The following IQSEC1 variants were observed in gnomAD, a reference collection of about 807,000 sequenced individuals.
IQSEC1 encodes IQ motif and SEC7 domain-containing protein 1.
In IQSEC1, 31 loss-of-function variants were observed where a neutral mutation model predicts 91.0. The ratio of observed to expected loss-of-function variants is 0.34; its 90% CI spans 0.26 to 0.46. The LOEUF is 0.46. IQSEC1 is among the 20% of genes least tolerant of loss of function. IQSEC1 has a pLI of 1.00. For missense variants in IQSEC1, 1,388 were observed against 1,575.6 expected, an observed-to-expected ratio of 0.88 and a Z score of 2.02; for synonymous variants, 699 against 662.6, an observed-to-expected ratio of 1.05 and a Z score of -0.84.
chr3:13,272,962 T>C (rs551466776), intron 1 of IQSEC1, among the ~76,000 whole-genome samples: 2 of 152,312 alleles, frequency 1.3e-5, no homozygotes, highest in Admixed American at 1.3e-4. Flanking sequence ...CTAAATTCCA[T>C]GACTTTCTAA....
chr3:13,039,510 C>T (rs1321754092), intron 1 of IQSEC1, among the ~76,000 whole-genome samples: 1 of 152,226 alleles, frequency 6.6e-6, no homozygotes, highest in Non-Finnish European at 1.5e-5. Context: ...CAAGTGGCTC[C>T]ATTTGCAGAG....
Position 13,259,528 on chromosome 3 carries a change from G to A in IQSEC1, c.272+23183C>T, listed in dbSNP as rs1027078124. ...ACCTCCGAATCAGGGAAATACAGCC[G>A]ACTCCCCAAGGCCTTCGAGGCGGGC... On this transcript the variant is annotated intron_variant, in intron 1 of 15. Transcript: ENST00000648114. This position sits in a 1 kb window ranked among gnomAD's most constrained non-coding sequence, Gnocchi z 4.6. Among the ~76,000 whole-genome samples the A allele has an allele frequency of 2.6e-5, 4 of 152,154 alleles. No homozygotes were observed. The highest frequency in any genetic ancestry group is 4.8e-5 in the African/African-American group (2 of 41,424).
At chr3:12,903,194 TGGGGA>T (rs1694567731) in intron 12 of IQSEC1, among the ~76,000 whole-genome samples, 1 of 152,016 alleles carries the variant, frequency 6.6e-6, no homozygotes, top group Admixed American at 6.5e-5. Flanking sequence ...CTCGGGTGAA[TGGGGA>T]GGGGTGAGGG....
rs374968434 is a variant in IQSEC1 at position 12,924,712 on chromosome 3, G to A, written c.1599C>T (p.Ile533=). Residue 533 remains isoleucine (I), a synonymous_variant, in exon 4 of 14, where the codon ATC becomes ATT. Coordinates refer to ENST00000613206, the MANE Select transcript of IQSEC1 (RefSeq NM_001134382.3). This position sits in a 1 kb window ranked among gnomAD's most constrained non-coding sequence, Gnocchi z 6.3. ...KKPEKGVQYL[I]ERGFVPDTPV... is the part of the protein sequence containing the mutation. ...GCGTGTCGGGCACAAAGCCACGCTC[G>A]ATGAGGTACTGGACTCCCTTCTCAG... 1.1e-5 allele frequency: 17 copies of A among 1,604,676 alleles called. No individual in the cohort carries two copies. The highest frequency in any genetic ancestry group is 9.4e-5 in the African/African-American group (7 of 74,746).
chr3:12,917,809 A>G (rs188953291), intron 6 of IQSEC1, among the ~76,000 whole-genome samples: 1 of 152,370 alleles, frequency 6.6e-6, no homozygotes, highest in East Asian at 1.9e-4. Context: ...AACTATGTGA[A>G]TATCCATTCA....
chr3:13,114,247 G>C (rs1706298845), intron 2 of IQSEC1, among the ~76,000 whole-genome samples: 1 of 152,156 alleles, frequency 6.6e-6, no homozygotes, highest in Non-Finnish European at 1.5e-5. Flanking sequence ...AATTGGTGGT[G>C]TTTTTCTCGG....
In IQSEC1 at chr3:12,935,783, G is replaced by A. The variant is rs779535314; in HGVS notation, c.1233C>T (p.Gly411=). The A allele has an allele frequency of 5.0e-6, 8 of 1,607,152 alleles. No homozygotes were observed. The highest frequency in any genetic ancestry group is 6.8e-6 in the Non-Finnish European group (8 of 1,179,686). ...CCTCCCGGGGGAGGCTCTTGGGGGC[G>A]CCGCTGTGGGGACCATGCTTGGGAC... The part of the protein sequence containing the change: ...QGSPKHGPHS[G]APKSLPREEP... The change falls in exon 3 of 14, where the codon GGC becomes GGT. Residue 411 remains glycine, a synonymous_variant. Transcript: ENST00000613206. The surrounding 1 kb of genome is among the most constrained non-coding windows in gnomAD (Gnocchi z 8.0).
intron 1 of IQSEC1, among the ~76,000 whole-genome samples, chr3:13,232,018 G>C (rs769620095): frequency 1.3e-5 from 2 of 152,242 alleles, no homozygotes; most frequent in Non-Finnish European, 2.9e-5. Context: ...CCCCAACCTA[G>C]TGCACTGACG....
chr3:12,899,728 C>A lies in IQSEC1; in HGVS notation c.*1255G>T. ...AAAACAAAACGGGAAACACACACAC[C>A]GCCCTGGGTTGCTAAACGCTAAAGT... On this transcript the variant is annotated 3_prime_UTR_variant, in exon 14 of 14. Coordinates refer to ENST00000613206, the MANE Select transcript of IQSEC1 (RefSeq NM_001134382.3). The A allele has an allele frequency of 2.0e-6, 2 of 985,422 alleles. No individual in the cohort carries two copies. Among genetic ancestry groups the A allele is most frequent in the South Asian group, 9.4e-5 (2 of 21,288 alleles). 61.0% of individuals were successfully genotyped at this position (985,422 alleles called of 1,614,324 possible).
intron 2 of IQSEC1, among the ~76,000 whole-genome samples, chr3:13,130,933 A>G (rs1029966446): frequency 6.0e-5 from 9 of 150,622 alleles, no homozygotes; most frequent in African/African-American, 2.2e-4. Flanking sequence ...AAAAAAAAAA[A>G]AGAAAAATAA....
At chr3:13,185,355 C>A (rs1325772095) in intron 1 of IQSEC1, among the ~76,000 whole-genome samples, 2 of 152,202 alleles carry the variant, frequency 1.3e-5, no homozygotes, top group Non-Finnish European at 2.9e-5. Context: ...CCTGGTCACA[C>A]CTGTCCTATT....
intron 1 of IQSEC1, among the ~76,000 whole-genome samples, chr3:12,961,936 TAG>T (rs1559677035): frequency 6.6e-6 from 1 of 152,226 alleles, no homozygotes; most frequent in Non-Finnish European, 1.5e-5. Context: ...GAGTTGGAGT[TAG>T]AGTTACAGGT....
At chr3:12,963,694 G>C (rs753316490) in intron 1 of IQSEC1, among the ~76,000 whole-genome samples, 1 of 152,222 alleles carries the variant, frequency 6.6e-6, no homozygotes, top group Non-Finnish European at 1.5e-5. Context: ...GGAAGAGGTG[G>C]AGTCAGGGTT....
intron 2 of IQSEC1, among the ~76,000 whole-genome samples, chr3:13,108,960 A>G (rs1471127842): frequency 6.6e-6 from 1 of 152,210 alleles, no homozygotes; most frequent in Admixed American, 6.5e-5. Context: ...TCAGTCAGAG[A>G]CAGTGTGGCC....
At chr3:12,963,968 A>T (rs1700398450) in intron 1 of IQSEC1, among the ~76,000 whole-genome samples, 1 of 152,258 alleles carries the variant, frequency 6.6e-6, no homozygotes, top group Non-Finnish European at 1.5e-5. Flanking sequence ...ATTCACTGAC[A>T]ACTGGCTATG....
At chr3:13,066,045 CAG>C (rs1559245445) in intron 1 of IQSEC1, among the ~76,000 whole-genome samples, 1 of 152,144 alleles carries the variant, frequency 6.6e-6, no homozygotes, top group Non-Finnish European at 1.5e-5. Flanking sequence ...TTCACAGGGA[CAG>C]AGAGCAGAAT....
intron 1 of IQSEC1, among the ~76,000 whole-genome samples, chr3:13,279,734 C>T (rs1421970313): frequency 2.0e-5 from 3 of 152,180 alleles, no homozygotes; most frequent in Non-Finnish European, 4.4e-5. Context: ...CTGGCATGCT[C>T]GCCAGACCCT....
intron 1 of IQSEC1, among the ~76,000 whole-genome samples, chr3:13,010,423 G>A (rs1033270567): frequency 6.6e-6 from 1 of 152,208 alleles, no homozygotes; most frequent in Non-Finnish European, 1.5e-5. Context: ...TGGGTATGTG[G>A]TCTAAGCTAA....
At chr3:12,971,833 C>A (rs895723022) in intron 1 of IQSEC1, among the ~76,000 whole-genome samples, 1 of 152,120 alleles carries the variant, frequency 6.6e-6, no homozygotes, top group African/African-American at 2.4e-5. Context: ...ACCAGCCTGG[C>A]CAACATGGCG....
Sources: gnomAD v4.1 joint callset for allele counts (sites outside exome capture counted in the v4.1 genomes callset) on GRCh38, gnomAD v4.1.1 for gene constraint, Gnocchi (gnomAD v3.1) non-coding constraint, MANE v1.5 for transcripts, NCBI Gene and HGNC (gene_info 2026-07-23, HGNC 2026-07-21) for gene names.